PTPRN2: variants seen among roughly 807,000 people sequenced by gnomAD.
PTPRN2 encodes the protein protein tyrosine phosphatase receptor type N2.
PTPRN2 carries 74 observed loss-of-function variants against 118.8 expected under a neutral mutation model. The ratio of observed to expected loss-of-function variants is 0.62; its 90% CI spans 0.52 to 0.76. The LOEUF (loss-of-function observed/expected upper bound fraction) is 0.76. Among genes scored for constraint, PTPRN2 ranks in the 30% least tolerant of loss-of-function variants. PTPRN2 has a pLI of 0.00. For synonymous variants in PTPRN2, 641 were observed against 608.0 expected, an observed-to-expected ratio of 1.05 and a Z score of -0.80; for missense variants, 1,481 against 1,394.4, an observed-to-expected ratio of 1.06 and a Z score of -0.99.
chr7:158,393,172 C>A (rs1004458618), intron 2 of PTPRN2, among the ~76,000 whole-genome samples: 29 of 152,190 alleles, frequency 1.9e-4, no homozygotes, highest in Non-Finnish European at 1.0e-4. Context: ...ACCATCCCAT[C>A]CTGGTCACAG....
chr7:158,419,870 C>T (rs1029677916), intron 2 of PTPRN2, among the ~76,000 whole-genome samples: 2 of 152,220 alleles, frequency 1.3e-5, no homozygotes, highest in African/African-American at 4.8e-5. Flanking sequence ...TCAAAGCCCA[C>T]TCCTGAAGGA....
chr7:158,151,153 C>G lies in PTPRN2; in HGVS notation c.911-12638G>C, dbSNP rs1222045911. The stretch of plus-strand genomic sequence containing the variant: ...CGCCCGCCTTTCTATTCCTGCCTCT[C>G]CCTGCCCACACCGCCCGCCTTTCTG... On this transcript the variant is annotated intron_variant, in intron 6 of 22. Coordinates refer to ENST00000389418, the MANE Select transcript of PTPRN2 (RefSeq NM_002847.5). Among the ~76,000 whole-genome samples the G allele has an allele frequency of 2.4e-3, 139 of 58,874 alleles. 5 individuals are homozygous for G. The highest frequency in any genetic ancestry group is 9.8e-3 in the African/African-American group (130 of 13,248). 38.6% of individuals were successfully genotyped at this position (58,874 alleles called of 152,430 possible).
chr7:158,428,320 C>T (rs10230817), intron 2 of PTPRN2, among the ~76,000 whole-genome samples: 148,090 of 152,260 alleles, frequency 0.97, 72,054 homozygotes, highest in African/African-American at 0.99. Flanking sequence ...AAGGGGCCTG[C>T]TCTTGGTGGC....
intron 19 of PTPRN2, among the ~76,000 whole-genome samples, chr7:157,575,733 C>CTT (rs1800002191): frequency 6.6e-6 from 1 of 152,184 alleles, no homozygotes; most frequent in African/African-American, 2.4e-5. Flanking sequence ...AATCAAGTCA[C>CTT]TTTATGATAG....
At chr7:158,393,266 A>G (rs1214923223) in intron 2 of PTPRN2, among the ~76,000 whole-genome samples, 1 of 152,174 alleles carries the variant, frequency 6.6e-6, no homozygotes, top group African/African-American at 2.4e-5. Flanking sequence ...CATCCAAGAG[A>G]CTCAAATGCT....
chr7:158,158,177 A>G (rs1231966216), intron 6 of PTPRN2, among the ~76,000 whole-genome samples: 3 of 152,226 alleles, frequency 2.0e-5, no homozygotes, highest in East Asian at 1.9e-4. Flanking sequence ...GCTTCCTTTC[A>G]AGTGAAAATG....
intron 11 of PTPRN2, among the ~76,000 whole-genome samples, chr7:157,960,937 G>A (rs11760380): frequency 0.37 from 56,145 of 152,140 alleles, 12,925 homozygotes; most frequent in Non-Finnish European, 0.53. Flanking sequence ...AACACAGGAC[G>A]GGGAGGTTGC....
chr7:158,249,314 A>ACCTGCATGCACACAC (rs1285421446), intron 3 of PTPRN2, among the ~76,000 whole-genome samples: 1 of 148,468 alleles, frequency 6.7e-6, no homozygotes, highest in African/African-American at 2.5e-5. Context: ...TATCTACCAC[A>ACCTGCATGCACACAC]CCTGCATGCA....
intron 2 of PTPRN2, among the ~76,000 whole-genome samples, chr7:158,372,968 C>G (rs1287967846): frequency 1.3e-5 from 2 of 151,688 alleles, no homozygotes; most frequent in Non-Finnish European, 2.9e-5. Context: ...GGCCACCTGG[C>G]CACTCTAGAA....
intron 3 of PTPRN2, among the ~76,000 whole-genome samples, chr7:158,249,090 A>C (rs1796476794): frequency 6.6e-6 from 1 of 151,314 alleles, no homozygotes; most frequent in South Asian, 2.1e-4. Context: ...CACACCACAC[A>C]TATGCACACA....
intron 12 of PTPRN2, among the ~76,000 whole-genome samples, chr7:157,821,971 C>G (rs1806869025): frequency 6.6e-6 from 1 of 151,628 alleles, no homozygotes; most frequent in Non-Finnish European, 1.5e-5. Context: ...CCCATCCATC[C>G]ATCTGTACAC....
At chr7:158,101,188 G>GA (rs1438780568) in intron 10 of PTPRN2, among the ~76,000 whole-genome samples, 1 of 152,150 alleles carries the variant, frequency 6.6e-6, no homozygotes, top group African/African-American at 2.4e-5. Context: ...CAGACCAATG[G>GA]AACAGAATAG....
chr7:158,190,470 C>A (rs952801154), intron 5 of PTPRN2, among the ~76,000 whole-genome samples: 1 of 152,222 alleles, frequency 6.6e-6, no homozygotes, highest in Non-Finnish European at 1.5e-5. Flanking sequence ...TCCTGGAAGG[C>A]TTTGGGGCAT....
chr7:157,852,735 G>C (rs769710593), intron 12 of PTPRN2, among the ~76,000 whole-genome samples: 22 of 151,978 alleles, frequency 1.4e-4, no homozygotes, highest in Non-Finnish European at 2.2e-4. Flanking sequence ...TGGGTGTGGT[G>C]GTGGGCGCCT....
At position 157,877,899 on chromosome 7, in the gene PTPRN2, T is replaced by C. The variant is rs142382513; in HGVS notation, c.1788+20774A>G. Among the ~76,000 whole-genome samples the C allele has an allele frequency of 3.2e-3, 480 of 152,212 alleles. 2 individuals are homozygous for C. The highest frequency in any genetic ancestry group is 0.01 in the African/African-American group (418 of 41,544). On this transcript the variant is annotated intron_variant, in intron 12 of 22. Transcript: ENST00000389418. ...GACCGGGGAGAAGAGGAACAGGAAA[T>C]ATGTCAGGGGTGAGATTTTAAAATG...
At chr7:157,680,211 T>A (rs924969321) in intron 13 of PTPRN2, among the ~76,000 whole-genome samples, 5 of 152,186 alleles carry the variant, frequency 3.3e-5, no homozygotes, top group Admixed American at 3.3e-4. Context: ...AAGCATAAGA[T>A]CAAATTGTTC....
intron 12 of PTPRN2, among the ~76,000 whole-genome samples, chr7:157,886,895 G>A (rs1440687422): frequency 6.5e-5 from 2 of 30,688 alleles, no homozygotes; most frequent in African/African-American, 2.5e-4. Context: ...GGCCATCGAG[G>A]TCCTTGTCAC....
chr7:157,549,479 A>G (rs1445719985), intron 21 of PTPRN2, among the ~76,000 whole-genome samples: 1 of 152,066 alleles, frequency 6.6e-6, no homozygotes, highest in African/African-American at 2.4e-5. Flanking sequence ...ATTGGCTTTT[A>G]ACTGTAGAGT....
At position 157,621,484 on chromosome 7, in the gene PTPRN2, T is replaced by C. The variant is rs1803241540; in HGVS notation, c.2222A>G (p.Asn741Ser). ...ILSYMEDHLK[N>S]KNRLEKEWEA... is the part of the protein sequence containing the mutation. ...CCACTCCTTCTCCAGCCGGTTCTTG[T>C]TCTTCAGGTGGTCCTCCATGTAGGA... Residue 741 changes from asparagine to serine, a missense_variant, in exon 15 of 23, where the codon AAC becomes AGC. Asn to Ser is a conservative substitution (Grantham distance 46, BLOSUM62 1). Around this residue, in one of 3 missense-constraint regions of PTPRN2, gnomAD observed 362 missense variants for 384.1 expected, o/e 0.94. Coordinates refer to ENST00000389418, the MANE Select transcript of PTPRN2 (RefSeq NM_002847.5). 1 of 1,613,592 alleles carries C rather than the reference T, an allele frequency of 6.2e-7. No individual in the cohort carries two copies. Among genetic ancestry groups the C allele is most frequent in the Non-Finnish European group, 8.5e-7 (1 of 1,180,042 alleles).
Sources: allele counts gnomAD v4.1 joint callset (sites outside exome capture counted in the v4.1 genomes callset), GRCh38; gene constraint gnomAD v4.1.1; regional missense constraint gnomAD v4.1.1; transcripts MANE v1.5; gene names NCBI Gene and HGNC (gene_info 2026-07-23, HGNC 2026-07-21).